KCNK10: variants seen among roughly 807,000 people sequenced by gnomAD.
KCNK10 encodes potassium two pore domain channel subfamily K member 10, also known as potassium channel subfamily K member 10.
In KCNK10, 25 loss-of-function variants were observed where a neutral mutation model predicts 47.7. The ratio of observed to expected loss-of-function variants is 0.52; its 90% CI spans 0.38 to 0.73. The LOEUF (loss-of-function observed/expected upper bound fraction) is 0.73. Ranked by LOEUF, KCNK10 falls within the 30% of genes least tolerant of loss-of-function variation. The pLI is 0.00. For synonymous variants in KCNK10, 303 were observed against 285.6 expected (o/e 1.06, Z -0.61); for missense variants, 563 against 714.5 (o/e 0.79, Z 2.42).
intron 1 of KCNK10, among the ~76,000 whole-genome samples, chr14:88,281,164 C>T (rs1887642106): frequency 6.6e-6 from 1 of 152,162 alleles, no homozygotes; most frequent in Non-Finnish European, 1.5e-5. Context: ...TCGGTTACCA[C>T]TCAGTTTCTT....
intron 3 of KCNK10, among the ~76,000 whole-genome samples, chr14:88,231,598 C>T (rs1383620635): frequency 6.6e-6 from 1 of 152,226 alleles, no homozygotes; most frequent in Admixed American, 6.5e-5. Flanking sequence ...CATCATTCAT[C>T]CAGCTTAGAA....
chr14:88,303,764 G>A (rs988356723), intron 1 of KCNK10, among the ~76,000 whole-genome samples: 2 of 152,178 alleles, frequency 1.3e-5, no homozygotes, highest in African/African-American at 2.4e-5. Flanking sequence ...GGGAAATGAA[G>A]TTGTTTCGAC....
intron 4 of KCNK10, among the ~76,000 whole-genome samples, chr14:88,218,856 A>G (rs1885708171): frequency 6.6e-6 from 1 of 152,184 alleles, no homozygotes. Context: ...ATCCCAAATA[A>G]GCAGATATTT....
At chr14:88,216,695 C>T (rs1368188337) in intron 4 of KCNK10, among the ~76,000 whole-genome samples, 2 of 152,110 alleles carry the variant, frequency 1.3e-5, no homozygotes, top group East Asian at 1.9e-4. Context: ...TACATTCTGG[C>T]CCTATCATTA....
chr14:88,227,352 T>C (rs898301273), intron 4 of KCNK10, 23 bp downstream of exon 4: 86 of 1,575,132 alleles, frequency 5.5e-5, no homozygotes, highest in Non-Finnish European at 7.2e-5. Flanking sequence ...GTGGTTAGAA[T>C]TTAAATATGA....
chr14:88,263,256 T>C lies in KCNK10; in HGVS notation c.348A>G (p.Glu116=). The C allele has an allele frequency of 6.2e-7, 1 of 1,614,166 alleles. No homozygotes were observed. Among genetic ancestry groups the C allele is most frequent in the Non-Finnish European group, 8.5e-7 (1 of 1,180,030 alleles). ...QKNTIALEKA[E]FLRDHVCVSP... is the part of the protein sequence containing the mutation. ...TCACACAGACATGATCCCGCAGGAA[T>C]TCCGCCTTCTCCAAGGCGATGGTAT... is the stretch of plus-strand genomic sequence containing the variant. Residue 116 remains glutamate, a synonymous_variant, in exon 2 of 7, where the codon GAA becomes GAG. Transcript: ENST00000319231.
At chr14:88,308,774 A>G (rs886614971) in intron 1 of KCNK10, among the ~76,000 whole-genome samples, 1 of 152,262 alleles carries the variant, frequency 6.6e-6, no homozygotes, top group African/African-American at 2.4e-5. Flanking sequence ...ATATCTAATT[A>G]CAAACTAGGC....
chr14:88,281,136 T>C (rs997050489), intron 1 of KCNK10, among the ~76,000 whole-genome samples: 3 of 152,136 alleles, frequency 2.0e-5, no homozygotes, highest in African/African-American at 7.2e-5. Context: ...TGGACTCCAG[T>C]TTCCATTCAG....
At chr14:88,187,375 T>C (rs1884600846) in intron 6 of KCNK10, among the ~76,000 whole-genome samples, 1 of 152,122 alleles carries the variant, frequency 6.6e-6, no homozygotes, top group Admixed American at 6.5e-5. Context: ...AATCACAAAA[T>C]CTATCTTTCC....
chr14:88,310,224 T>TATATCATATACCAAATCAAATGGA (rs1365676813), intron 1 of KCNK10, among the ~76,000 whole-genome samples: 1 of 135,522 alleles, frequency 7.4e-6, no homozygotes, highest in Non-Finnish European at 1.7e-5. Context: ...TATCATATGG[T>TATATCATATACCAAATCAAATGGA]ATATGATATA....
chr14:88,302,946 A>C (rs1256117816), intron 1 of KCNK10, among the ~76,000 whole-genome samples: 2 of 152,126 alleles, frequency 1.3e-5, no homozygotes, highest in African/African-American at 4.8e-5. Context: ...CGTCCCATTC[A>C]CAGACTCAGG....
chr14:88,263,240 C>T lies in KCNK10; in HGVS notation c.364G>A (p.Val122Ile). Reference sequence around the variant, plus strand: ...TCCAGCTCCTGGGGGCTCACACAGACATGATCCCGCAGGAATTCCGCCTTC... The same window carrying T: ...TCCAGCTCCTGGGGGCTCACACAGATATGATCCCGCAGGAATTCCGCCTTC... ...LEKAEFLRDHVCVSPQELETL... is the reference protein window; with the variant it reads ...LEKAEFLRDHICVSPQELETL... Residue 122 changes from valine (V) to isoleucine (I), a missense_variant, in exon 2 of 7, where the codon GTC becomes ATC. Coordinates refer to ENST00000319231, the MANE Select transcript of KCNK10 (RefSeq NM_138317.3). 6.2e-7 allele frequency: 1 copy of T among 1,614,190 alleles called. No individual in the cohort carries two copies. The highest frequency in any genetic ancestry group is 8.5e-7 in the Non-Finnish European group (1 of 1,180,026).
intron 1 of KCNK10, among the ~76,000 whole-genome samples, chr14:88,280,782 G>C (rs1887634890): frequency 6.6e-6 from 1 of 151,614 alleles, no homozygotes; most frequent in Non-Finnish European, 1.5e-5. Flanking sequence ...TGTCCCCCTG[G>C]CCCTCCATCC....
intron 2 of KCNK10, among the ~76,000 whole-genome samples, chr14:88,258,260 C>A (rs1196274062): frequency 6.6e-6 from 1 of 151,398 alleles, no homozygotes; most frequent in Non-Finnish European, 1.5e-5. Flanking sequence ...GATGAAGAAA[C>A]AAGAGGTGAG....
At chr14:88,197,780 T>C (rs986753904) in intron 4 of KCNK10, among the ~76,000 whole-genome samples, 2 of 150,736 alleles carry the variant, frequency 1.3e-5, no homozygotes, top group African/African-American at 4.9e-5. Flanking sequence ...CAGGGACCAT[T>C]CTAGTTGCAA....
chr14:88,265,578 G>A (rs1887230255), intron 1 of KCNK10, among the ~76,000 whole-genome samples: 1 of 152,174 alleles, frequency 6.6e-6, no homozygotes, highest in African/African-American at 2.4e-5. Flanking sequence ...CTACATGTGT[G>A]GCAATTTGCT....
chr14:88,289,077 G>A (rs1566715604), intron 1 of KCNK10, among the ~76,000 whole-genome samples: 1 of 152,082 alleles, frequency 6.6e-6, no homozygotes, highest in East Asian at 1.9e-4. Context: ...ACCCGGGTTG[G>A]TCTCATTATA....
chr14:88,264,170 C>T (rs1245926821), intron 1 of KCNK10, among the ~76,000 whole-genome samples: 1 of 152,122 alleles, frequency 6.6e-6, no homozygotes, highest in Admixed American at 6.5e-5. Context: ...TCCAATAAGA[C>T]GTCATTGGAA....
At chr14:88,275,690 A>C (rs1380229108) in intron 1 of KCNK10, among the ~76,000 whole-genome samples, 6 of 139,826 alleles carry the variant, frequency 4.3e-5, no homozygotes, top group Non-Finnish European at 9.3e-5. Context: ...TCTGCTAAAA[A>C]TACAAAAAAA....
Sources: gnomAD v4.1 joint callset for allele counts (sites outside exome capture counted in the v4.1 genomes callset) on GRCh38, gnomAD v4.1.1 for gene constraint, MANE v1.5 for transcripts, NCBI Gene and HGNC (gene_info 2026-07-23, HGNC 2026-07-21) for gene names.